The following SORL1 variants were observed in gnomAD, a reference collection of about 807,000 sequenced individuals.
SORL1 encodes the protein sortilin-related receptor.
SORL1 carries 127 observed loss-of-function variants against 273.7 expected under a neutral mutation model. The observed-to-expected ratio is 0.46, with a 90% CI of 0.40 to 0.54. The LOEUF (loss-of-function observed/expected upper bound fraction) is 0.54, where lower values mean the gene tolerates loss of function less well. Ranked by LOEUF, SORL1 falls within the 20% of genes least tolerant of loss-of-function variation. SORL1 has a pLI of 0.00. For missense variants in SORL1, 2,494 were observed against 2,846.1 expected (o/e 0.88, Z 2.81); for synonymous variants, 1,031 against 1,067.4 (o/e 0.97, Z 0.66).
intron 21 of SORL1, among the ~76,000 whole-genome samples, chr11:121,561,997 C>T (rs75464613): frequency 0.084 from 12,790 of 152,030 alleles, 571 homozygotes; most frequent in African/African-American, 0.12. Context: ...ATGAGCACTC[C>T]GCACCTCTTG....
At chr11:121,571,844 G>T (rs911389959) in intron 23 of SORL1, among the ~76,000 whole-genome samples, 2 of 152,250 alleles carry the variant, frequency 1.3e-5, no homozygotes, top group African/African-American at 4.8e-5. Context: ...CTGAATGGCA[G>T]ATTTGGGAAA....
intron 1 of SORL1, among the ~76,000 whole-genome samples, chr11:121,468,943 A>T (rs1861129876): frequency 6.6e-6 from 1 of 152,206 alleles, no homozygotes; most frequent in Non-Finnish European, 1.5e-5. Flanking sequence ...TCTTTGAAAA[A>T]ATGACAATGA....
chr11:121,622,332 G>A (rs2134950045), intron 45 of SORL1, 64 bp downstream of exon 45: 1 of 881,066 alleles, frequency 1.1e-6, no homozygotes, highest in Non-Finnish European at 1.9e-6. Flanking sequence ...TCAGAGATGA[G>A]CTTGTTGACA....
chr11:121,625,200 C>G lies in SORL1; in HGVS notation c.6287C>G (p.Thr2096Ser). ...NLKMGHNYTF[T>S]VQARCLFGNQ... ...AAGATGGGTCATAATTACACGTTCA[C>G]CGTCCAAGCAAGATGCCTTTTTGGC... is the stretch of plus-strand genomic sequence containing the variant. Residue 2096 changes from threonine to serine, a missense_variant, in exon 46 of 48, where the codon ACC (threonine) becomes AGC (serine). Around this residue, in one of 3 missense-constraint regions of SORL1, gnomAD observed 1,609 missense variants for 1,816.4 expected, o/e 0.89. Coordinates refer to ENST00000260197, the MANE Select transcript of SORL1 (RefSeq NM_003105.6). 1 of 1,614,116 alleles carries G rather than the reference C, an allele frequency of 6.2e-7. No individual in the cohort carries two copies. Among genetic ancestry groups the G allele is most frequent in the Non-Finnish European group, 8.5e-7 (1 of 1,179,966 alleles).
rs532797757 is a variant in SORL1, at chr11:121,584,748, C to T, written c.3706+1165C>T. ...CTGGGACCACAGGGGTTGGCCACCACGCCCAGCTAATTTTTGTATTTTTTT... is the reference window on the plus strand; with the variant it reads ...CTGGGACCACAGGGGTTGGCCACCATGCCCAGCTAATTTTTGTATTTTTTT... On this transcript the variant is annotated intron_variant, in intron 26 of 47. Transcript: ENST00000260197. Among the ~76,000 whole-genome samples the T allele has an allele frequency of 1.9e-4, 29 of 152,230 alleles. 1 individual carries two copies. The South Asian group carries it at 5.2e-3, about 27-fold the overall frequency.
At chr11:121,515,722 G>T (rs1467221139) in intron 8 of SORL1, among the ~76,000 whole-genome samples, 1 of 152,136 alleles carries the variant, frequency 6.6e-6, no homozygotes, top group African/African-American at 2.4e-5. Flanking sequence ...TGCAATCTTG[G>T]GTCACTGCAA....
Position 121,627,754 on chromosome 11 carries a change from TG to T in SORL1, c.6568del (p.Asp2190MetfsTer12). ...GGCTGGGGTCCGCAATCTTCTCCTC[TG>T]GGGATGACCTGGGTAAGTGGGGCAG... ...SRLGSAIFSSGDDLGEDDEDA... is the reference protein window; with the variant it reads ...SRLGSAIFSSXDDLGEDDEDA... On this transcript the variant is annotated frameshift_variant, in exon 47 of 48. Transcript: ENST00000260197. LOFTEE classifies it high-confidence loss of function. This position sits in a 1 kb window ranked among gnomAD's most constrained non-coding sequence, Gnocchi z 4.9. 6.2e-7 allele frequency: 1 copy of T among 1,613,434 alleles called. No homozygotes were observed. The highest frequency in any genetic ancestry group is 8.5e-7 in the Non-Finnish European group (1 of 1,179,712).
chr11:121,628,381 C>A (rs1054355402), intron 47 of SORL1, among the ~76,000 whole-genome samples: 2 of 152,172 alleles, frequency 1.3e-5, no homozygotes, highest in African/African-American at 4.8e-5. Context: ...GCATTAGATT[C>A]TCATAGGGAG....
intron 3 of SORL1, among the ~76,000 whole-genome samples, chr11:121,485,659 ATT>A (rs1861462885): frequency 6.6e-6 from 1 of 152,220 alleles, no homozygotes; most frequent in East Asian, 1.9e-4. Context: ...CATGGAACAG[ATT>A]TCTGGGGAAA....
chr11:121,570,188 C>T lies in SORL1; in HGVS notation c.3255C>T (p.Cys1085=). 1 of 1,613,956 alleles carries T rather than the reference C, an allele frequency of 6.2e-7. No homozygotes were observed. Residue 1085 remains cysteine, a synonymous_variant, in exon 23 of 48, where the codon TGC becomes TGT. Transcript: ENST00000260197. ...ENTCLRNQYR[C]SNGNCINSIW... is the part of the protein sequence containing the mutation. ...CCTGTCTTCGCAACCAGTATCGCTG[C>T]AGCAACGGGAACTGTATCAACAGCA...
chr11:121,565,198 CAT>C (rs1048594097), intron 21 of SORL1, among the ~76,000 whole-genome samples: 151 of 152,340 alleles, frequency 9.9e-4, no homozygotes, highest in African/African-American at 3.5e-3. Flanking sequence ...ACTGTTTCAT[CAT>C]GTGGACTTCC....
intron 24 of SORL1, chr11:121,576,970 T>C: frequency 6.6e-7 from 1 of 1,505,982 alleles, no homozygotes; most frequent in South Asian, 1.2e-5. Context: ...CTTCCCATCA[T>C]AGCAAGCATA....
At chr11:121,590,864 C>T in intron 30 of SORL1, 137 bp from the exon 31 acceptor site, 2 of 897,650 alleles carry the variant, frequency 2.2e-6, no homozygotes, top group South Asian at 1.3e-5. Context: ...AGCCGCTGCT[C>T]AGAGCTGTGC....
chr11:121,555,325 G>A lies in SORL1; in HGVS notation c.2571+7G>A, dbSNP rs1376367596. Reference sequence around the variant, plus strand: ...AGGCTTCAAAAAGATTGAGGTATGTGTATTTTCGTGCTGTTCTTAATTAAG... The same window carrying A: ...AGGCTTCAAAAAGATTGAGGTATGTATATTTTCGTGCTGTTCTTAATTAAG... On this transcript the variant is annotated splice_region_variant and intron_variant, in intron 18 of 47. Coordinates refer to ENST00000260197, the MANE Select transcript of SORL1 (RefSeq NM_003105.6). The A allele has an allele frequency of 1.9e-6, 3 of 1,613,260 alleles. No homozygotes were observed. Among genetic ancestry groups the A allele is most frequent in the Non-Finnish European group, 1.7e-6 (2 of 1,179,418 alleles).
chr11:121,509,076 T>C (rs1410751256), intron 6 of SORL1, among the ~76,000 whole-genome samples: 1 of 152,138 alleles, frequency 6.6e-6, no homozygotes, highest in Non-Finnish European at 1.5e-5. Context: ...CCCCCTGGAA[T>C]ATCCCAGATG....
intron 32 of SORL1, among the ~76,000 whole-genome samples, chr11:121,599,286 T>C (rs1834197310): frequency 6.6e-6 from 1 of 152,262 alleles, no homozygotes; most frequent in Admixed American, 6.5e-5. Context: ...GGCTCACACC[T>C]GTAATCCCAG....
intron 1 of SORL1, among the ~76,000 whole-genome samples, chr11:121,463,088 G>T (rs1177037669): frequency 1.3e-5 from 2 of 152,072 alleles, no homozygotes. Context: ...CTCTTGAGGG[G>T]GTATTTGCTG....
At chr11:121,620,057 A>C (rs1294184213) in intron 43 of SORL1, 140 bp downstream of exon 43, 1 of 687,346 alleles carries the variant, frequency 1.5e-6, no homozygotes, top group East Asian at 2.5e-5. Context: ...CTCCCATTTC[A>C]GTCTGACCAA....
intron 4 of SORL1, among the ~76,000 whole-genome samples, chr11:121,488,553 C>T (rs532982188): frequency 1.3e-5 from 2 of 152,260 alleles, no homozygotes; most frequent in East Asian, 3.9e-4. Context: ...TCTTCAGGGA[C>T]CTTTTGTTGA....
Sources: allele counts gnomAD v4.1 joint callset (sites outside exome capture counted in the v4.1 genomes callset), GRCh38; gene constraint gnomAD v4.1.1; regional missense constraint gnomAD v4.1.1; non-coding constraint Gnocchi (gnomAD v3.1); transcripts MANE v1.5; gene names NCBI Gene and HGNC (gene_info 2026-07-23, HGNC 2026-07-21).